Variants in UBAP2L observed in about 807,000 individuals in gnomAD.
The protein encoded by UBAP2L is ubiquitin associated protein 2 like.
In UBAP2L, 12 loss-of-function variants were observed where a neutral mutation model predicts 130.6. The observed-to-expected ratio is 0.09, with a 90% CI of 0.06 to 0.15. The LOEUF is 0.15. Among genes scored for constraint, UBAP2L ranks in the 10% least tolerant of loss-of-function variants. The probability of loss-of-function intolerance (pLI) is 1.00; values close to 1 mark genes in which losing one functional copy is unlikely to be tolerated. For synonymous variants in UBAP2L, 503 were observed against 524.7 expected (o/e 0.96, Z 0.57); for missense variants, 965 against 1,332.5 (o/e 0.72, Z 4.29).
intron 8 of UBAP2L, among the ~76,000 whole-genome samples, chr1:154,240,950 C>A (rs1248623733): frequency 7.8e-6 from 1 of 127,538 alleles, no homozygotes; most frequent in African/African-American, 2.9e-5. Flanking sequence ...CCCCCCACCC[C>A]CATTCCTGCT....
At chr1:154,242,932 A>AT (rs1172214465) in intron 9 of UBAP2L, 3,769 of 168,578 alleles carry the variant, frequency 0.022, 15 homozygotes, top group East Asian at 0.036. Context: ...TCTTTCTTTT[A>AT]TTTTTTTTTT....
intron 11 of UBAP2L, 59 bp from the exon 12 acceptor site, chr1:154,249,180 T>G: frequency 6.4e-7 from 1 of 1,558,722 alleles, no homozygotes; most frequent in Admixed American, 1.7e-5. Context: ...AGTGTCTTTA[T>G]GAGTAGCTGA....
chr1:154,249,678 G>A (rs562200469), intron 12 of UBAP2L, among the ~76,000 whole-genome samples: 1 of 152,176 alleles, frequency 6.6e-6, no homozygotes, highest in East Asian at 1.9e-4. Context: ...GCTTACACCT[G>A]TAATCCTAGC....
chr1:154,270,932 C>G (rs1684641608), downstream of UBAP2L: 1 of 1,550,250 alleles, frequency 6.5e-7, no homozygotes, highest in African/African-American at 1.4e-5. Flanking sequence ...ATTACTGTAC[C>G]AACTGGGCCT....
In UBAP2L at chr1:154,255,339, G is replaced by C; in HGVS notation, c.2084+13G>C. The C allele has an allele frequency of 1.2e-6, 2 of 1,612,736 alleles. No individual in the cohort carries two copies. Among genetic ancestry groups the C allele is most frequent in the Non-Finnish European group, 1.7e-6 (2 of 1,179,474 alleles). On this transcript the variant is annotated intron_variant, in intron 17 of 26. Coordinates refer to ENST00000428931, the MANE Select transcript of UBAP2L (RefSeq NM_014847.4). ...CACAACACAGCAGGTGATTTGGGGTGAGGATGGAGGTTGGGGTTGGTGAAT... is the reference window on the plus strand; with the variant it reads ...CACAACACAGCAGGTGATTTGGGGTCAGGATGGAGGTTGGGGTTGGTGAAT...
intron 25 of UBAP2L, 41 bp downstream of exon 25, chr1:154,266,609 C>G: frequency 1.3e-6 from 2 of 1,594,606 alleles, no homozygotes; most frequent in Non-Finnish European, 1.7e-6. Context: ...AAGAGATAGA[C>G]ATAGAGGAGG....
At chr1:154,229,010 C>T (rs56760430) in intron 4 of UBAP2L, among the ~76,000 whole-genome samples, 7,846 of 152,114 alleles carry the variant, frequency 0.052, 704 homozygotes, top group African/African-American at 0.18. Context: ...TGTTTTCAGG[C>T]TGTGGGGTTA....
intron 1 of UBAP2L, 114 bp from the exon 2 acceptor site, chr1:154,224,968 CTT>C (rs1667462843): frequency 1.6e-6 from 1 of 621,772 alleles, no homozygotes; most frequent in Non-Finnish European, 2.8e-6. Context: ...ATAAATGAAT[CTT>C]ATTGATTTGT....
chr1:154,261,186 C>A, intron 23 of UBAP2L, 77 bp downstream of exon 23: 3 of 1,452,724 alleles, frequency 2.1e-6, no homozygotes, highest in South Asian at 2.6e-5. Flanking sequence ...TTTTAAGGGT[C>A]AATGACTTTA....
rs1204929743 is a variant in UBAP2L, at chr1:154,251,333, A to G, written c.1491+15A>G. 3.1e-6 allele frequency: 5 copies of G among 1,602,488 alleles called. No individual in the cohort carries two copies. The Admixed American group carries it at 7.0e-5, about 22-fold the overall frequency. On this transcript the variant is annotated intron_variant, in intron 13 of 26. Coordinates refer to ENST00000428931, the MANE Select transcript of UBAP2L (RefSeq NM_014847.4). ...TGACTTCTAAGGTACTTAAACTTTTAGGTAGATACCATTTTATGGCAAGGG... is the reference window on the plus strand; with the variant it reads ...TGACTTCTAAGGTACTTAAACTTTTGGGTAGATACCATTTTATGGCAAGGG...
At chr1:154,263,095 C>A in intron 24 of UBAP2L, 1 of 1,551,342 alleles carries the variant, frequency 6.4e-7, no homozygotes, top group South Asian at 1.2e-5. Context: ...GTATTTGATT[C>A]CTTTTAGGAA....
chr1:154,256,509 C>T (rs1346875927), intron 18 of UBAP2L, among the ~76,000 whole-genome samples: 3 of 152,084 alleles, frequency 2.0e-5, no homozygotes, highest in African/African-American at 7.2e-5. Flanking sequence ...CATGGTGGTA[C>T]ATTCGTAGAG....
intron 8 of UBAP2L, among the ~76,000 whole-genome samples, chr1:154,237,850 T>C (rs1347099421): frequency 6.6e-6 from 1 of 152,248 alleles, no homozygotes; most frequent in Non-Finnish European, 1.5e-5. Context: ...TATGTTAAGC[T>C]GTGGTATACA....
chr1:154,263,606 G>A, intron 24 of UBAP2L: 3 of 755,462 alleles, frequency 4.0e-6, no homozygotes, highest in Non-Finnish European at 4.8e-6. Flanking sequence ...CCCCAGCATA[G>A]CCAAAGAACT....
intron 24 of UBAP2L, among the ~76,000 whole-genome samples, chr1:154,262,197 A>C (rs1374018447): frequency 6.6e-6 from 1 of 152,196 alleles, no homozygotes; most frequent in Non-Finnish European, 1.5e-5. Flanking sequence ...CTGTGGAGAA[A>C]AAGGAGTAGG....
intron 1 of UBAP2L, among the ~76,000 whole-genome samples, chr1:154,223,277 G>A (rs4393149): frequency 0.65 from 98,990 of 151,990 alleles, 33,252 homozygotes; most frequent in East Asian, 0.96. Context: ...ATGCAATAGT[G>A]TATAGCTAGT....
At position 154,246,130 on chromosome 1, in the gene UBAP2L, A is replaced by C. The variant is rs551019357; in HGVS notation, c.843-74A>C. The C allele has an allele frequency of 2.0e-6, 3 of 1,507,230 alleles. No homozygotes were observed. In the African/African-American group the frequency reaches 4.1e-5, roughly 21 times the overall value. 93.4% of individuals were successfully genotyped at this position (1,507,230 alleles called of 1,614,324 possible). A position where few individuals can be genotyped will look rare whatever the true frequency, so the allele number is the denominator to read the frequency against. On this transcript the variant is annotated intron_variant, in intron 10 of 26. Transcript: ENST00000428931. Reference sequence around the variant, plus strand: ...CCAGCAAGTGGCTTCATTTTGATCTAATCTGATTTGAGTGTTGGGGAATGT... The same window carrying C: ...CCAGCAAGTGGCTTCATTTTGATCTCATCTGATTTGAGTGTTGGGGAATGT...
At chr1:154,256,967 C>T in intron 18 of UBAP2L, 96 bp from the exon 19 acceptor site, 1 of 1,402,096 alleles carries the variant, frequency 7.1e-7, no homozygotes, top group Non-Finnish European at 9.6e-7. Flanking sequence ...AAGTTGACAT[C>T]ATAATATATT....
chr1:154,228,476 TG>T, intron 3 of UBAP2L, 138 bp from the exon 4 acceptor site: 1 of 596,124 alleles, frequency 1.7e-6, no homozygotes, highest in South Asian at 2.0e-5. Flanking sequence ...CGTGAGCCAC[TG>T]TGCCCAGCCC....
Sources: gnomAD v4.1 joint callset for allele counts (sites outside exome capture counted in the v4.1 genomes callset) on GRCh38, gnomAD v4.1.1 for gene constraint, MANE v1.5 for transcripts, NCBI Gene and HGNC (gene_info 2026-07-23, HGNC 2026-07-21) for gene names.